Variants in FLT1 observed in about 807,000 individuals in gnomAD.
FLT1 encodes the protein vascular endothelial growth factor receptor 1.
A neutral mutation model predicts 156.3 loss-of-function variants in FLT1; 49 were observed. The ratio of observed to expected loss-of-function variants is 0.31; its 90% CI spans 0.25 to 0.40. The LOEUF is 0.40. Among genes scored for constraint, FLT1 ranks in the 10% least tolerant of loss-of-function variants. The pLI, the probability that FLT1 is intolerant of heterozygous loss-of-function variation, is 1.00. For missense variants in FLT1, 1,322 were observed against 1,637.2 expected, an observed-to-expected ratio of 0.81 and a Z score of 3.32; for synonymous variants, 594 against 583.8, an observed-to-expected ratio of 1.02 and a Z score of -0.25.
intron 6 of FLT1, 71 bp from the exon 7 acceptor site, chr13:28,431,381 A>G: frequency 9.1e-7 from 1 of 1,096,254 alleles, no homozygotes; most frequent in South Asian, 1.3e-5. Context: ...GGATTTTAAC[A>G]TTTCTTAGAT....
rs1230861508 is a variant in FLT1 at position 28,467,630 on chromosome 13, T to A, written c.65-13A>T. 5.6e-6 allele frequency: 8 copies of A among 1,432,560 alleles called. No individual in the cohort carries two copies. Among genetic ancestry groups the A allele is most frequent in the Non-Finnish European group, 6.8e-6 (7 of 1,028,498 alleles). The allele number at this position is 1,432,560 out of a possible 1,614,324, so 88.7% of individuals were successfully genotyped here. ...CCTGAACTAGATCCTGAAAAACAAA[T>A]TTTTAAAATGTATTATTTGTAAATT... On this transcript the variant is annotated splice_polypyrimidine_tract_variant and intron_variant, in intron 1 of 29. Transcript: ENST00000282397.
chr13:28,374,545 T>C (rs34740866), intron 14 of FLT1, among the ~76,000 whole-genome samples: 68,038 of 151,366 alleles, frequency 0.45, 16,581 homozygotes, highest in East Asian at 0.59. Flanking sequence ...GGAGTCTCGC[T>C]CTGTCGCCCA....
intron 11 of FLT1, chr13:28,399,048 G>A (rs773142306): frequency 1.1e-5 from 17 of 1,548,750 alleles, no homozygotes; most frequent in African/African-American, 5.5e-5. Context: ...TTAGAGTCAC[G>A]GAAGGAAATG....
intron 14 of FLT1, among the ~76,000 whole-genome samples, chr13:28,369,967 A>G (rs1873483076): frequency 6.6e-6 from 1 of 152,156 alleles, no homozygotes; most frequent in Non-Finnish European, 1.5e-5. Context: ...TGGGAGGTAG[A>G]GGCAGGAGGA....
intron 15 of FLT1, among the ~76,000 whole-genome samples, chr13:28,347,954 C>T (rs1050160118): frequency 6.6e-6 from 1 of 152,170 alleles, no homozygotes; most frequent in African/African-American, 2.4e-5. Context: ...ACGAAGCTTC[C>T]AAGAGTATGC....
Position 28,389,928 on chromosome 13 carries a change from T to C in FLT1, c.1837A>G (p.Lys613Glu), listed in dbSNP as rs777644151. 6.2e-7 allele frequency: 1 copy of C among 1,614,130 alleles called. No individual in the cohort carries two copies. Among genetic ancestry groups the C allele is most frequent in the South Asian group, 1.1e-5 (1 of 91,074 alleles). Reference sequence around the variant, plus strand: ...AGATTAAGAGTGATGGAGTGCTCCTTAGTGATGGCCATTTTTTGCTTGCTA... The same window carrying C: ...AGATTAAGAGTGATGGAGTGCTCCTCAGTGATGGCCATTTTTTGCTTGCTA... Reference protein sequence around the residue: ...SISKQKMAITKEHSITLNLTI... With the variant: ...SISKQKMAITEEHSITLNLTI... Residue 613 changes from lysine to glutamate, a missense_variant, in exon 13 of 30, where the codon AAG (lysine) becomes GAG (glutamate). Lys to Glu is a moderately conservative substitution (Grantham distance 56). Transcript: ENST00000282397.
chr13:28,334,052 G>T lies in FLT1; in HGVS notation c.2566C>A (p.Arg856=). 1 of 1,612,760 alleles carries T rather than the reference G, an allele frequency of 6.2e-7. No individual in the cohort carries two copies. The change falls in exon 18 of 30, where the codon CGG becomes AGG. Residue 856 remains arginine (R), a synonymous_variant. Transcript: ENST00000282397. ...TTCAGCATTTTCACAGCCACAGTCC[G>T]GCACGTAGGTGATTTCTTAATGCCA... ...AFGIKKSPTC[R]TVAVKMLKEG...
At chr13:28,478,983 T>G (rs759901852) in intron 1 of FLT1, among the ~76,000 whole-genome samples, 1 of 152,230 alleles carries the variant, frequency 6.6e-6, no homozygotes, top group Non-Finnish European at 1.5e-5. Context: ...GAAGGCCGAA[T>G]GTGATAAAGT....
chr13:28,484,027 G>A (rs576744723), intron 1 of FLT1, among the ~76,000 whole-genome samples: 1 of 152,184 alleles, frequency 6.6e-6, no homozygotes, highest in African/African-American at 2.4e-5. Flanking sequence ...CAGCCTTGGG[G>A]CTTCAATCCA....
intron 15 of FLT1, among the ~76,000 whole-genome samples, chr13:28,357,172 G>T (rs1471005660): frequency 6.6e-6 from 1 of 152,162 alleles, no homozygotes; most frequent in African/African-American, 2.4e-5. Flanking sequence ...AAGTGTGCGA[G>T]TTCCCCCTCC....
intron 14 of FLT1, among the ~76,000 whole-genome samples, chr13:28,361,172 G>A (rs1490073713): frequency 6.6e-6 from 1 of 151,952 alleles, no homozygotes; most frequent in Non-Finnish European, 1.5e-5. Flanking sequence ...CCAGCTACTC[G>A]GGAGGCTGAG....
intron 14 of FLT1, among the ~76,000 whole-genome samples, chr13:28,384,448 C>CAAAAAAA (rs79860949): frequency 1.3e-4 from 8 of 60,234 alleles, no homozygotes; most frequent in African/African-American, 2.8e-4. Context: ...GACTCCATCT[C>CAAAAAAA]AAAAAAAAAA....
At chr13:28,444,258 A>G (rs1186877411) in intron 3 of FLT1, among the ~76,000 whole-genome samples, 1 of 152,168 alleles carries the variant, frequency 6.6e-6, no homozygotes, top group African/African-American at 2.4e-5. Flanking sequence ...CCTGGTCAAC[A>G]TGGCGAAACC....
At chr13:28,479,392 G>T (rs190347743) in intron 1 of FLT1, among the ~76,000 whole-genome samples, 2 of 152,272 alleles carry the variant, frequency 1.3e-5, no homozygotes, top group East Asian at 3.9e-4. Flanking sequence ...CGGAAATGGG[G>T]TGGACATGTT....
intron 23 of FLT1, among the ~76,000 whole-genome samples, chr13:28,321,086 T>C (rs1871439144): frequency 6.6e-6 from 1 of 152,144 alleles, no homozygotes; most frequent in African/African-American, 2.4e-5. Flanking sequence ...ATCAATCATC[T>C]GGGTTTATTT....
chr13:28,396,873 T>C, intron 12 of FLT1, 87 bp downstream of exon 12: 1 of 819,116 alleles, frequency 1.2e-6, no homozygotes, highest in Non-Finnish European at 2.1e-6. Context: ...AAAAAATCAC[T>C]CAAGCTATAA....
At chr13:28,369,493 C>T (rs939293878) in intron 14 of FLT1, among the ~76,000 whole-genome samples, 1 of 152,040 alleles carries the variant, frequency 6.6e-6, no homozygotes, top group African/African-American at 2.4e-5. Flanking sequence ...CCACTGTACT[C>T]CAGCATGGAT....
intron 14 of FLT1, among the ~76,000 whole-genome samples, chr13:28,380,336 T>C (rs1874024217): frequency 6.6e-6 from 1 of 152,200 alleles, no homozygotes; most frequent in Non-Finnish European, 1.5e-5. Context: ...TATACAAACA[T>C]AAGGGTCATC....
intron 10 of FLT1, among the ~76,000 whole-genome samples, chr13:28,407,120 G>A (rs142258448): frequency 6.6e-6 from 1 of 152,162 alleles, no homozygotes; most frequent in East Asian, 1.9e-4. Flanking sequence ...GGGACAAATC[G>A]ACGTATTCAC....
Sources: allele counts gnomAD v4.1 joint callset (sites outside exome capture counted in the v4.1 genomes callset), GRCh38; gene constraint gnomAD v4.1.1; transcripts MANE v1.5; gene names NCBI Gene and HGNC (gene_info 2026-07-23, HGNC 2026-07-21).